The following AGBL4 variants were observed in gnomAD, a reference collection of about 807,000 sequenced individuals.
AGBL4 encodes AGBL carboxypeptidase 4.
Under a neutral mutation model 66.4 loss-of-function variants are expected in AGBL4, and 58 were observed. The ratio of observed to expected loss-of-function variants is 0.87; its 90% CI spans 0.71 to 1.09. The LOEUF (loss-of-function observed/expected upper bound fraction) is 1.09, where lower values mean the gene tolerates loss of function less well. Ranked by LOEUF, AGBL4 falls within the 50% of genes least tolerant of loss-of-function variation. AGBL4 has a pLI of 0.00. For missense variants in AGBL4, 579 were observed against 631.0 expected (o/e 0.92, Z 0.88); for synonymous variants, 234 against 222.9 (o/e 1.05, Z -0.44).
chr1:49,863,826 G>T (rs1326752085), intron 1 of AGBL4, among the ~76,000 whole-genome samples: 1 of 152,178 alleles, frequency 6.6e-6, no homozygotes, highest in East Asian at 1.9e-4. Context: ...TATACTGTTG[G>T]TGGGAATGTA....
chr1:49,773,181 G>T (rs1043432720), intron 2 of AGBL4, among the ~76,000 whole-genome samples: 2 of 151,880 alleles, frequency 1.3e-5, no homozygotes, highest in Non-Finnish European at 2.9e-5. Context: ...TATTTGTTTG[G>T]CTCTTTTTTA....
chr1:49,407,214 T>C (rs1346633041), intron 3 of AGBL4, among the ~76,000 whole-genome samples: 1 of 152,164 alleles, frequency 6.6e-6, no homozygotes, highest in African/African-American at 2.4e-5. Context: ...GATTGTCCTC[T>C]ATAATGTGGG....
chr1:49,629,571 T>C (rs149154864), intron 3 of AGBL4, among the ~76,000 whole-genome samples: 2 of 152,276 alleles, frequency 1.3e-5, no homozygotes, highest in East Asian at 3.9e-4. Flanking sequence ...CCAGACTCCA[T>C]TTATTATTGG....
intron 5 of AGBL4, among the ~76,000 whole-genome samples, chr1:48,901,398 T>C (rs1465345078): frequency 1.3e-5 from 2 of 152,182 alleles, no homozygotes; most frequent in African/African-American, 2.4e-5. Context: ...GTATATGTCC[T>C]TGCAAAAAGT....
At chr1:49,547,023 T>C (rs917411309) in intron 3 of AGBL4, among the ~76,000 whole-genome samples, 6 of 152,252 alleles carry the variant, frequency 3.9e-5, no homozygotes, top group Admixed American at 1.3e-4. Context: ...GTCCCAACTT[T>C]TATCTTTGTC....
At chr1:49,164,539 A>T (rs1553161868) in intron 4 of AGBL4, among the ~76,000 whole-genome samples, 1 of 152,186 alleles carries the variant, frequency 6.6e-6, no homozygotes, top group Non-Finnish European at 1.5e-5. Context: ...TATGAAAAAG[A>T]GATCCCAAAG....
At chr1:49,424,763 T>TTGTG (rs1197237162) in intron 3 of AGBL4, among the ~76,000 whole-genome samples, 1 of 152,210 alleles carries the variant, frequency 6.6e-6, no homozygotes, top group African/African-American at 2.4e-5. Context: ...TAGAAGGCTC[T>TTGTG]TGTGGTCTAA....
chr1:49,979,426 A>C (rs1658871871), intron 1 of AGBL4, among the ~76,000 whole-genome samples: 1 of 151,708 alleles, frequency 6.6e-6, no homozygotes, highest in Non-Finnish European at 1.5e-5. Context: ...GCGCCACTGC[A>C]GTCCGCAGTC....
In AGBL4 at chr1:49,346,300, A is replaced by G. The variant is rs998345946; in HGVS notation, c.283-100436T>C. Among the ~76,000 whole-genome samples the G allele has an allele frequency of 2.4e-4, 36 of 152,240 alleles. 1 individual carries two copies. Among genetic ancestry groups the G allele is most frequent in the Admixed American group, 5.2e-4 (8 of 15,292 alleles). On this transcript the variant is annotated intron_variant, in intron 3 of 13. Transcript: ENST00000371839. ...TCAATTTAGACTGCTTATTCCTGTGAACCAACCAGTGATCTCTGGCTGCTG... is the reference window on the plus strand; with the variant it reads ...TCAATTTAGACTGCTTATTCCTGTGGACCAACCAGTGATCTCTGGCTGCTG...
rs546266332 is a variant in AGBL4, at chr1:49,829,891, G to A, written c.157+21505C>T. Among the ~76,000 whole-genome samples, 8 of 152,174 alleles carry A rather than the reference G, an allele frequency of 5.3e-5. No individual in the cohort carries two copies. In the South Asian group the frequency reaches 1.5e-3, roughly 28 times the overall value. ...TGTTTGCTTTTCTCTTCTTGTGTTAGTTTGCTGAGAATGATGGTTTCCAGC... is the reference window on the plus strand; with the variant it reads ...TGTTTGCTTTTCTCTTCTTGTGTTAATTTGCTGAGAATGATGGTTTCCAGC... On this transcript the variant is annotated intron_variant, in intron 2 of 13. Transcript: ENST00000371839.
chr1:49,649,852 C>A (rs1483044218), intron 3 of AGBL4, among the ~76,000 whole-genome samples: 2 of 151,966 alleles, frequency 1.3e-5, no homozygotes, highest in East Asian at 3.9e-4. Flanking sequence ...CCCAGAAAAT[C>A]CCCAAATACT....
chr1:49,382,754 T>C (rs1570580343), intron 3 of AGBL4, among the ~76,000 whole-genome samples: 1 of 152,176 alleles, frequency 6.6e-6, no homozygotes, highest in East Asian at 1.9e-4. Context: ...TGATCTTACA[T>C]GTAAAGACCT....
intron 1 of AGBL4, among the ~76,000 whole-genome samples, chr1:49,921,205 G>T (rs368732028): frequency 6.6e-6 from 1 of 151,454 alleles, no homozygotes; most frequent in South Asian, 2.1e-4. Context: ...AAACCTGCAC[G>T]TTGTGCACAT....
intron 1 of AGBL4, among the ~76,000 whole-genome samples, chr1:49,899,262 T>A (rs982574258): frequency 3.9e-5 from 6 of 151,936 alleles, no homozygotes; most frequent in Non-Finnish European, 8.8e-5. Flanking sequence ...ACCTACTATG[T>A]GTCCACAAAA....
chr1:49,229,714 C>G (rs1315321670), intron 4 of AGBL4, among the ~76,000 whole-genome samples: 3 of 152,172 alleles, frequency 2.0e-5, no homozygotes, highest in African/African-American at 7.2e-5. Context: ...CACAAATATG[C>G]TGAGCAGGAC....
intron 5 of AGBL4, among the ~76,000 whole-genome samples, chr1:49,023,212 T>C (rs1270442211): frequency 6.6e-6 from 1 of 152,164 alleles, no homozygotes; most frequent in Non-Finnish European, 1.5e-5. Context: ...GAGTATGTTC[T>C]ACCTTGAGGC....
intron 1 of AGBL4, among the ~76,000 whole-genome samples, chr1:49,969,158 G>A (rs943805084): frequency 6.6e-6 from 1 of 152,112 alleles, no homozygotes; most frequent in African/African-American, 2.4e-5. Flanking sequence ...AAGTTTCTTG[G>A]TTAAAATAAG....
chr1:49,190,647 A>G (rs1246132010), intron 4 of AGBL4, among the ~76,000 whole-genome samples: 1 of 152,078 alleles, frequency 6.6e-6, no homozygotes, highest in Non-Finnish European at 1.5e-5. Context: ...ATTTCTATAA[A>G]CCTATTATTA....
intron 6 of AGBL4, among the ~76,000 whole-genome samples, chr1:48,846,112 A>T (rs534129746): frequency 6.6e-6 from 1 of 152,074 alleles, no homozygotes; most frequent in Non-Finnish European, 1.5e-5. Context: ...GAGAGCCACA[A>T]CCTGGGAGCT....
Sources: allele counts gnomAD v4.1 joint callset (sites outside exome capture counted in the v4.1 genomes callset), GRCh38; gene constraint gnomAD v4.1.1; transcripts MANE v1.5; gene names NCBI Gene and HGNC (gene_info 2026-07-23, HGNC 2026-07-21).